Variants in HS3ST4 observed in about 807,000 individuals in gnomAD.
HS3ST4 encodes heparan sulfate-glucosamine 3-sulfotransferase 4.
A neutral mutation model predicts 29.2 loss-of-function variants in HS3ST4; 17 were observed. The ratio of observed to expected loss-of-function variants is 0.58; its 90% CI spans 0.40 to 0.87. The LOEUF (loss-of-function observed/expected upper bound fraction) is 0.87, where lower values mean the gene tolerates loss of function less well. Among genes scored for constraint, HS3ST4 ranks in the 40% least tolerant of loss-of-function variants. The probability of loss-of-function intolerance (pLI) is 0.00; values close to 1 mark genes in which losing one functional copy is unlikely to be tolerated. For missense variants in HS3ST4, 627 were observed against 634.5 expected (o/e 0.99, Z 0.13); for synonymous variants, 314 against 285.7 (o/e 1.10, Z -1.00).
rs879350655 is a variant in HS3ST4, at chr16:25,828,292, CTT to C, written c.734+135143_734+135144del. Among the ~76,000 whole-genome samples the C allele has an allele frequency of 4.0e-3, 327 of 81,102 alleles. 3 individuals carry two copies. The highest frequency in any genetic ancestry group is 8.6e-3 in the Admixed American group (59 of 6,874). The allele number at this position is 81,102 out of a possible 152,430, so 53.2% of individuals were successfully genotyped here. The stretch of plus-strand genomic sequence containing the variant: ...TCTTTCTTTCTTTCTTTCTTTCTTT[CTT>C]TCTTTCCCTCTCTCTCTCTCTCTCT... On this transcript the variant is annotated intron_variant, in intron 1 of 1. Coordinates refer to ENST00000331351, the MANE Select transcript of HS3ST4 (RefSeq NM_006040.3).
chr16:25,896,207 A>G (rs537554735), intron 1 of HS3ST4, among the ~76,000 whole-genome samples: 1 of 152,330 alleles, frequency 6.6e-6, no homozygotes, highest in East Asian at 1.9e-4. Context: ...TTGTCTGGGA[A>G]CAGGTGGAGT....
At chr16:25,774,361 A>C (rs1596566664) in intron 1 of HS3ST4, among the ~76,000 whole-genome samples, 1 of 152,178 alleles carries the variant, frequency 6.6e-6, no homozygotes, top group East Asian at 1.9e-4. Flanking sequence ...TTTTCATTTT[A>C]TAGTTGGTAA....
At chr16:25,847,162 G>A (rs559012853) in intron 1 of HS3ST4, among the ~76,000 whole-genome samples, 2 of 152,086 alleles carry the variant, frequency 1.3e-5, no homozygotes, top group Non-Finnish European at 2.9e-5. Flanking sequence ...CAAGGAACAT[G>A]GCATGTCTTT....
At chr16:25,891,839 T>G (rs1968011526) in intron 1 of HS3ST4, among the ~76,000 whole-genome samples, 1 of 152,354 alleles carries the variant, frequency 6.6e-6, no homozygotes, top group East Asian at 1.9e-4. Flanking sequence ...ACTGCCTGGC[T>G]TCACATTGCG....
intron 1 of HS3ST4, among the ~76,000 whole-genome samples, chr16:25,842,578 A>T (rs1355236347): frequency 1.3e-5 from 2 of 152,240 alleles, no homozygotes; most frequent in Non-Finnish European, 2.9e-5. Flanking sequence ...AATTAACTGA[A>T]TTAACCCTGA....
At chr16:25,698,743 C>T (rs1312802309) in intron 1 of HS3ST4, among the ~76,000 whole-genome samples, 1 of 152,150 alleles carries the variant, frequency 6.6e-6, no homozygotes, top group African/African-American at 2.4e-5. Context: ...TCCAAAGAGG[C>T]TGTTATTTGG....
At chr16:25,778,541 C>T (rs1448930936) in intron 1 of HS3ST4, among the ~76,000 whole-genome samples, 1 of 152,184 alleles carries the variant, frequency 6.6e-6, no homozygotes, top group Non-Finnish European at 1.5e-5. Context: ...TGGTCCAACA[C>T]CAGTCTAGAT....
At chr16:25,700,005 C>G (rs568078791) in intron 1 of HS3ST4, among the ~76,000 whole-genome samples, 1 of 152,232 alleles carries the variant, frequency 6.6e-6, no homozygotes, top group South Asian at 2.1e-4. Flanking sequence ...CTTCCTTTAT[C>G]CTGCCCATCA....
chr16:25,697,598 T>C (rs1209552208), intron 1 of HS3ST4, among the ~76,000 whole-genome samples: 1 of 152,202 alleles, frequency 6.6e-6, no homozygotes, highest in Non-Finnish European at 1.5e-5. Context: ...ACCTGTGTGG[T>C]GTAGTGCTTT....
At chr16:25,912,672 G>A (rs1251488621) in intron 1 of HS3ST4, among the ~76,000 whole-genome samples, 1 of 152,166 alleles carries the variant, frequency 6.6e-6, no homozygotes, top group African/African-American at 2.4e-5. Flanking sequence ...AGTGGAATTG[G>A]ACAGCGTGAG....
chr16:25,867,509 G>A (rs183799669), intron 1 of HS3ST4, among the ~76,000 whole-genome samples: 56 of 152,250 alleles, frequency 3.7e-4, no homozygotes, highest in African/African-American at 1.3e-3. Context: ...AATTCCTGCT[G>A]CAATGCCATC....
chr16:25,771,217 C>T (rs1007922295), intron 1 of HS3ST4, among the ~76,000 whole-genome samples: 2 of 152,090 alleles, frequency 1.3e-5, no homozygotes, highest in African/African-American at 4.8e-5. Flanking sequence ...TCAACTCCTA[C>T]TTATGAGTGA....
intron 1 of HS3ST4, among the ~76,000 whole-genome samples, chr16:26,110,851 G>A (rs1899119500): frequency 6.6e-6 from 1 of 151,900 alleles, no homozygotes; most frequent in African/African-American, 2.4e-5. Context: ...AGCTACACCG[G>A]CCTCCTTCTT....
At position 25,903,369 on chromosome 16, in the gene HS3ST4, A is replaced by ATATATGTATATGTATATAT. The variant is rs1400849222; in HGVS notation, c.734+210223_734+210224insGTATATGTATATATTATAT. Among the ~76,000 whole-genome samples the ATATATGTATATGTATATAT allele has an allele frequency of 8.4e-3, 1,231 of 146,556 alleles. 13 individuals are homozygous for ATATATGTATATGTATATAT. Among genetic ancestry groups the ATATATGTATATGTATATAT allele is most frequent in the African/African-American group, 0.025 (1,009 of 39,772 alleles). On this transcript the variant is annotated intron_variant, in intron 1 of 1. Coordinates refer to ENST00000331351, the MANE Select transcript of HS3ST4 (RefSeq NM_006040.3). ...ATATATATGTATATGTATATCTTAT[A>ATATATGTATATGTATATAT]TATATATATATATAAAATCACATAT...
At chr16:25,700,416 G>T (rs912252524) in intron 1 of HS3ST4, among the ~76,000 whole-genome samples, 1 of 152,180 alleles carries the variant, frequency 6.6e-6, no homozygotes, top group Non-Finnish European at 1.5e-5. Context: ...GGGAATGCAG[G>T]ATTGCTCCCC....
At chr16:26,084,961 C>T (rs1898768056) in intron 1 of HS3ST4, among the ~76,000 whole-genome samples, 1 of 152,142 alleles carries the variant, frequency 6.6e-6, no homozygotes, top group Non-Finnish European at 1.5e-5. Context: ...CCTTTGAGTT[C>T]CTGGTTGCTA....
At chr16:25,748,455 C>G (rs991948461) in intron 1 of HS3ST4, among the ~76,000 whole-genome samples, 3 of 152,188 alleles carry the variant, frequency 2.0e-5, no homozygotes, top group African/African-American at 4.8e-5. Flanking sequence ...TTCCCACCCC[C>G]ACACCTGCAG....
At chr16:26,012,699 G>A (rs1157891381) in intron 1 of HS3ST4, among the ~76,000 whole-genome samples, 2 of 152,100 alleles carry the variant, frequency 1.3e-5, no homozygotes, top group Non-Finnish European at 2.9e-5. Flanking sequence ...ATAGAAGCTG[G>A]GCCACATTCT....
chr16:26,120,073 G>GTGTGTGTGTA (rs1555485141), intron 1 of HS3ST4, among the ~76,000 whole-genome samples: 217 of 102,626 alleles, frequency 2.1e-3, no homozygotes, highest in African/African-American at 7.3e-3. Context: ...GTGTGTGTAT[G>GTGTGTGTGTA]TGTGTGTGTG....
Sources: gnomAD v4.1 joint callset for allele counts (sites outside exome capture counted in the v4.1 genomes callset) on GRCh38, gnomAD v4.1.1 for gene constraint, MANE v1.5 for transcripts, NCBI Gene and HGNC (gene_info 2026-07-23, HGNC 2026-07-21) for gene names.